TAGLN2: variants seen among roughly 807,000 people sequenced by gnomAD.
TAGLN2 encodes transgelin-2.
TAGLN2 carries 14 observed loss-of-function variants against 24.9 expected under a neutral mutation model. The observed-to-expected ratio is 0.56, with a 90% confidence interval of 0.37 to 0.88. The LOEUF (loss-of-function observed/expected upper bound fraction) is 0.88. Among genes scored for constraint, TAGLN2 ranks in the 40% least tolerant of loss-of-function variants. The pLI is 0.00. For missense variants in TAGLN2, 208 were observed against 258.9 expected, an observed-to-expected ratio of 0.80 and a Z score of 1.35; for synonymous variants, 77 against 98.2, an observed-to-expected ratio of 0.78 and a Z score of 1.28.
chr1:159,920,040 G>A, intron 2 of TAGLN2: 2 of 759,630 alleles, frequency 2.6e-6, no homozygotes, highest in South Asian at 3.0e-5. Context: ...CCAGTGTTTA[G>A]TCTTTCCTTG....
chr1:159,924,079 T>C (rs1650624628), intron 1 of TAGLN2, among the ~76,000 whole-genome samples: 1 of 151,654 alleles, frequency 6.6e-6, no homozygotes, highest in East Asian at 1.9e-4. Context: ...AGAAATCCCC[T>C]GGGAAGGGAA....
intron 1 of TAGLN2, among the ~76,000 whole-genome samples, chr1:159,922,366 C>A (rs959588630): frequency 1.3e-5 from 2 of 152,168 alleles, no homozygotes; most frequent in Admixed American, 6.6e-5. Flanking sequence ...CCACTTCCCC[C>A]AGCCCGAAAG....
In TAGLN2 at chr1:159,918,943, T is replaced by C; in HGVS notation, c.459-2A>G. Reference sequence around the variant, plus strand: ...TTCCGAGGATTCTCCTTGGATTTCCTGGGTGACAAGGGAGTGGTGGTTAGA... The same window carrying C: ...TTCCGAGGATTCTCCTTGGATTTCCCGGGTGACAAGGGAGTGGTGGTTAGA... On this transcript the variant is annotated splice_acceptor_variant, in intron 4 of 4. Coordinates refer to ENST00000368097, the MANE Select transcript of TAGLN2 (RefSeq NM_003564.3). LOFTEE classifies it high-confidence loss of function. 1 of 1,614,132 alleles carries C rather than the reference T, an allele frequency of 6.2e-7. No homozygotes were observed. Among genetic ancestry groups the C allele is most frequent in the South Asian group, 1.1e-5 (1 of 91,088 alleles).
chr1:159,925,207 T>TG (rs1354125716), intron 1 of TAGLN2: 1 of 151,522 alleles, frequency 6.6e-6, no homozygotes, highest in East Asian at 1.9e-4. Context: ...CCTGAGTCCC[T>TG]GCTCCAGACG....
intron 1 of TAGLN2, among the ~76,000 whole-genome samples, chr1:159,922,570 AG>A (rs1193752362): frequency 6.6e-6 from 1 of 152,164 alleles, no homozygotes; most frequent in Non-Finnish European, 1.5e-5. Flanking sequence ...GCTGGAAGAC[AG>A]GTAGGAAGAG....
intron 1 of TAGLN2, chr1:159,923,554 T>C (rs990793127): frequency 2.1e-6 from 3 of 1,428,626 alleles, no homozygotes; most frequent in East Asian, 5.1e-5. Context: ...ACCGTGCAGA[T>C]GGAACACAGG....
rs1650423069 is a variant in TAGLN2, at chr1:159,918,728, T to G, written c.*72A>C. ...AGAGCTCTGGGGCTCTCTGGGAATG[T>G]CACTGCTAAAATATATATCTACATA... On this transcript the variant is annotated 3_prime_UTR_variant, in exon 5 of 5. Coordinates refer to ENST00000368097, the MANE Select transcript of TAGLN2 (RefSeq NM_003564.3). 6.5e-7 allele frequency: 1 copy of G among 1,549,596 alleles called. No homozygotes were observed. The highest frequency in any genetic ancestry group is 1.4e-5 in the African/African-American group (1 of 73,332).
chr1:159,924,541 G>A (rs1313755293), intron 1 of TAGLN2: 3 of 152,336 alleles, frequency 2.0e-5, no homozygotes, highest in African/African-American at 7.2e-5. Flanking sequence ...GGCACAGGGC[G>A]CGGGGGGAGG....
rs115552706 is a variant in TAGLN2 at position 159,920,889 on chromosome 1, C to T, written c.-28-352G>A. ...GGATTGTGAAAGAGATAGTAGAAGT[C>T]CTTGGTCCTCAAGTGCCCACAGTGC... On this transcript the variant is annotated intron_variant, in intron 1 of 4. Coordinates refer to ENST00000368097, the MANE Select transcript of TAGLN2 (RefSeq NM_003564.3). 3.0e-3 allele frequency among the ~76,000 whole-genome samples: 455 copies of T among 152,258 alleles called. 6 individuals are homozygous for T. Among genetic ancestry groups the T allele is most frequent in the African/African-American group, 0.01 (429 of 41,520 alleles).
intron 2 of TAGLN2, 74 bp from the exon 3 acceptor site, chr1:159,919,909 A>AAC: frequency 6.6e-7 from 1 of 1,513,638 alleles, no homozygotes; most frequent in Non-Finnish European, 9.1e-7. Context: ...CCACCCTCAG[A>AAC]ACCAGAGACA....
Position 159,918,697 on chromosome 1 carries a change from A to G in TAGLN2, c.*103T>C. Reference sequence around the variant, plus strand: ...TGAACCCCCCACCCTGACAGAAAGGAGCTTGAGAGCTCTGGGGCTCTCTGG... The same window carrying G: ...TGAACCCCCCACCCTGACAGAAAGGGGCTTGAGAGCTCTGGGGCTCTCTGG... On this transcript the variant is annotated 3_prime_UTR_variant, in exon 5 of 5. Transcript: ENST00000368097. 1 of 1,488,786 alleles carries G rather than the reference A, an allele frequency of 6.7e-7. No homozygotes were observed. Among genetic ancestry groups the G allele is most frequent in the Non-Finnish European group, 9.1e-7 (1 of 1,103,572 alleles). 92.2% of individuals were successfully genotyped at this position (1,488,786 alleles called of 1,614,324 possible).
Position 159,920,365 on chromosome 1 carries a change from G to A in TAGLN2, c.145C>T (p.Arg49Cys), listed in dbSNP as rs199842829. The A allele has an allele frequency of 1.4e-5, 22 of 1,614,112 alleles. No homozygotes were observed. Among genetic ancestry groups the A allele is most frequent in the South Asian group, 5.5e-5 (5 of 91,090 alleles). ...TTGAGCCAGTTCTGGAAGTTCTCGC[G>A]TCCAGGCTGGGGCCGGCCCACATCC... ...RKDVGRPQPGRENFQNWLKDG... is the reference protein window; with the variant it reads ...RKDVGRPQPGCENFQNWLKDG... Residue 49 changes from arginine (R) to cysteine (C), a missense_variant, in exon 2 of 5, where the codon CGC becomes TGC. Physicochemically the swap from Arg to Cys is radical, Grantham distance 180. Coordinates refer to ENST00000368097, the MANE Select transcript of TAGLN2 (RefSeq NM_003564.3).
rs1650475779 is a variant in TAGLN2 at position 159,919,996 on chromosome 1, GC to G, written c.181-162del. ...TAGAGTAAGCCTCACAGTCCTTCTT[GC>G]CAGCCTCCTTCCTCCGAGCCCAGAG... On this transcript the variant is annotated intron_variant, in intron 2 of 4. Coordinates refer to ENST00000368097, the MANE Select transcript of TAGLN2 (RefSeq NM_003564.3). 1.4e-5 allele frequency: 12 copies of G among 852,398 alleles called. No homozygotes were observed. In the South Asian group the frequency reaches 1.9e-4, roughly 13 times the overall value. The allele number at this position is 852,398 out of a possible 1,614,324, so 52.8% of individuals were successfully genotyped here. A position where few individuals can be genotyped will look rare whatever the true frequency, so the allele number is the denominator to read the frequency against.
In TAGLN2 at chr1:159,920,377, G is replaced by A; in HGVS notation, c.133C>T (p.Pro45Ser). Residue 45 changes from proline (P) to serine (S), a missense_variant, in exon 2 of 5, where the codon CCC (proline) becomes TCC (serine). Transcript: ENST00000368097. Reference sequence around the variant, plus strand: ...TGGAAGTTCTCGCGTCCAGGCTGGGGCCGGCCCACATCCTTTCGGCACTGG... The same window carrying A: ...TGGAAGTTCTCGCGTCCAGGCTGGGACCGGCCCACATCCTTTCGGCACTGG... ...TTQCRKDVGRPQPGRENFQNW... is the reference protein window; with the variant it reads ...TTQCRKDVGRSQPGRENFQNW... 3.1e-6 allele frequency: 5 copies of A among 1,614,226 alleles called. No individual in the cohort carries two copies. Among genetic ancestry groups the A allele is most frequent in the Non-Finnish European group, 4.2e-6 (5 of 1,180,040 alleles).
intron 1 of TAGLN2, among the ~76,000 whole-genome samples, chr1:159,924,866 T>C (rs1488161951): frequency 6.6e-6 from 1 of 152,096 alleles, no homozygotes; most frequent in Non-Finnish European, 1.5e-5. Flanking sequence ...GGGACCGTCA[T>C]AGAGATGACT....
chr1:159,919,910 A>G, intron 2 of TAGLN2, 75 bp from the exon 3 acceptor site: 1 of 1,513,122 alleles, frequency 6.6e-7, no homozygotes. Flanking sequence ...CACCCTCAGA[A>G]CCAGAGACAA....
At chr1:159,924,745 G>T (rs984484232) in intron 1 of TAGLN2, among the ~76,000 whole-genome samples, 1 of 152,172 alleles carries the variant, frequency 6.6e-6, no homozygotes, top group South Asian at 2.1e-4. Context: ...GGCACCCGGT[G>T]GGGGCAGCGG....
intron 1 of TAGLN2, among the ~76,000 whole-genome samples, chr1:159,921,701 G>A (rs937032817): frequency 3.3e-5 from 5 of 152,250 alleles, no homozygotes; most frequent in Admixed American, 3.3e-4. Context: ...ATACACAGGA[G>A]GGTTTCTTTA....
intron 3 of TAGLN2, 31 bp downstream of exon 3, chr1:159,919,630 T>C (rs1244712098): frequency 1.2e-6 from 2 of 1,605,842 alleles, no homozygotes; most frequent in Admixed American, 1.7e-5. Context: ...GCCTCCTGGA[T>C]GACAGGACCC....
Sources: allele counts gnomAD v4.1 joint callset (sites outside exome capture counted in the v4.1 genomes callset), GRCh38; gene constraint gnomAD v4.1.1; transcripts MANE v1.5; gene names NCBI Gene and HGNC (gene_info 2026-07-23, HGNC 2026-07-21).